ECT2L: variants seen among roughly 807,000 people sequenced by gnomAD.
ECT2L encodes the protein epithelial cell transforming 2 like, also known as epithelial cell-transforming sequence 2 oncogene-like.
Under a neutral mutation model 122.8 loss-of-function variants are expected in ECT2L, and 126 were observed. The ratio of observed to expected loss-of-function variants is 1.03; its 90% CI spans 0.89 to 1.19. The LOEUF (loss-of-function observed/expected upper bound fraction) is 1.19, where lower values mean the gene tolerates loss of function less well. ECT2L is among the 50% of genes most tolerant of loss of function. The pLI is 0.00. For synonymous variants in ECT2L, 385 were observed against 381.8 expected (o/e 1.01, Z -0.10); for missense variants, 1,012 against 1,064.1 (o/e 0.95, Z 0.68).
Position 138,872,146 on chromosome 6 carries a change from A to G in ECT2L, c.1578+3940A>G, listed in dbSNP as rs564837053. Reference sequence around the variant, plus strand: ...TGAGCCACCACGCCTGGCCATCCCAAGAGGAGTCTAAATGCCTTTCCAGGG... The same window carrying G: ...TGAGCCACCACGCCTGGCCATCCCAGGAGGAGTCTAAATGCCTTTCCAGGG... On this transcript the variant is annotated intron_variant, in intron 13 of 21. Transcript: ENST00000541398. Among the ~76,000 whole-genome samples the G allele has an allele frequency of 3.9e-5, 6 of 152,204 alleles. No homozygotes were observed. The East Asian group carries it at 1.2e-3, about 29-fold the overall frequency.
chr6:138,862,504 C>A, intron 10 of ECT2L, 123 bp from the exon 11 acceptor site: 1 of 894,658 alleles, frequency 1.1e-6, no homozygotes, highest in Non-Finnish European at 1.8e-6. Flanking sequence ...CCTGCCAGGC[C>A]CCACCTCCAA....
At chr6:138,881,320 C>T in intron 15 of ECT2L, 149 bp downstream of exon 15, 1 of 784,430 alleles carries the variant, frequency 1.3e-6, no homozygotes, top group Non-Finnish European at 2.0e-6. Flanking sequence ...ATCACATTAC[C>T]TACCGGGCTG....
At chr6:138,871,546 C>T (rs1778252895) in intron 13 of ECT2L, among the ~76,000 whole-genome samples, 1 of 152,192 alleles carries the variant, frequency 6.6e-6, no homozygotes. Flanking sequence ...TGGCTCACGT[C>T]TGTAATCCCA....
rs542677868 is a variant in ECT2L at position 138,878,722 on chromosome 6, C to CA, written c.1665+2165dup. ...TCAGCCTCCCAAGGTGCTGGGATTA[C>CA]AGGCATGAGCCACCGCACGTGGCCA... On this transcript the variant is annotated intron_variant, in intron 14 of 21. Transcript: ENST00000541398. Among the ~76,000 whole-genome samples, 32 of 152,350 alleles carry CA rather than the reference C, an allele frequency of 2.1e-4. No individual in the cohort carries two copies. The South Asian group carries it at 6.4e-3, about 31-fold the overall frequency.
intron 4 of ECT2L, among the ~76,000 whole-genome samples, chr6:138,819,900 A>G (rs1776215787): frequency 6.6e-6 from 1 of 151,838 alleles, no homozygotes; most frequent in Non-Finnish European, 1.5e-5. Context: ...AAAAAAAAAC[A>G]AAAAACAAAA....
chr6:138,839,527 C>G (rs1373163715), intron 5 of ECT2L, among the ~76,000 whole-genome samples: 1 of 152,064 alleles, frequency 6.6e-6, no homozygotes, highest in Non-Finnish European at 1.5e-5. Context: ...CCACGTCCAG[C>G]TAATTTTTGT....
At chr6:138,876,662 T>C in intron 14 of ECT2L, 104 bp downstream of exon 14, 1 of 658,510 alleles carries the variant, frequency 1.5e-6, no homozygotes. Flanking sequence ...AATTTCCCTT[T>C]GGGGGATTAA....
At chr6:138,842,792 T>TA (rs1171633618) in intron 5 of ECT2L, among the ~76,000 whole-genome samples, 187 bp from the exon 6 acceptor site, 2 of 151,992 alleles carry the variant, frequency 1.3e-5, no homozygotes, top group African/African-American at 4.8e-5. Context: ...AAATAAAATA[T>TA]AAAAAAAATT....
At chr6:138,804,669 G>T (rs925320704) in intron 1 of ECT2L, among the ~76,000 whole-genome samples, 64 of 152,078 alleles carry the variant, frequency 4.2e-4, no homozygotes, top group African/African-American at 1.5e-3. Context: ...AGTTGAGGGA[G>T]TTAATCTCTT....
intron 8 of ECT2L, among the ~76,000 whole-genome samples, chr6:138,848,214 A>G (rs997162221): frequency 1.3e-5 from 2 of 152,210 alleles, no homozygotes; most frequent in East Asian, 3.9e-4. Flanking sequence ...AAGCCAAACC[A>G]TATCAGTGTG....
At chr6:138,885,897 AAGATCCTG>A in intron 18 of ECT2L, 67 bp downstream of exon 18, 2 of 1,492,648 alleles carry the variant, frequency 1.3e-6, no homozygotes, top group South Asian at 2.5e-5. Flanking sequence ...CTCCCACTCA[AAGATCCTG>A]AGACACCTTA....
rs186953642 is a variant in ECT2L, at chr6:138,895,477, C to T, written c.2415-5471C>T. Among the ~76,000 whole-genome samples the T allele has an allele frequency of 3.3e-5, 5 of 152,256 alleles. No individual in the cohort carries two copies. In the East Asian group the frequency reaches 5.8e-4, roughly 18 times the overall value. On this transcript the variant is annotated intron_variant, in intron 20 of 21. Transcript: ENST00000541398. ...AGGTCTCCCAGTGCACAGGCAGTGC[C>T]GTTTCCAGTGATTGGACCAGAAGGT...
intron 4 of ECT2L, 53 bp downstream of exon 4, chr6:138,814,656 A>G (rs1024413328): frequency 1.8e-6 from 2 of 1,082,236 alleles, no homozygotes; most frequent in African/African-American, 3.2e-5. Context: ...AAAACCGTAT[A>G]TAAATGTTTA....
intron 1 of ECT2L, among the ~76,000 whole-genome samples, chr6:138,799,650 C>T (rs79981479): frequency 0.19 from 28,689 of 152,092 alleles, 3,192 homozygotes; most frequent in Middle Eastern, 0.33. Context: ...ACCTCCGCCT[C>T]CTGGGCTCAA....
intron 1 of ECT2L, among the ~76,000 whole-genome samples, chr6:138,807,532 T>TCTC (rs1332434411): frequency 6.6e-6 from 1 of 152,064 alleles, no homozygotes; most frequent in Non-Finnish European, 1.5e-5. Context: ...CACTACACCG[T>TCTC]CTCCTCCACA....
chr6:138,858,579 C>G (rs994752823), intron 10 of ECT2L, among the ~76,000 whole-genome samples: 5 of 152,042 alleles, frequency 3.3e-5, no homozygotes, highest in African/African-American at 9.7e-5. Flanking sequence ...ATTCACTACC[C>G]CCAAAAGTTT....
At chr6:138,889,339 T>C (rs1472688433) in intron 20 of ECT2L, among the ~76,000 whole-genome samples, 2 of 152,114 alleles carry the variant, frequency 1.3e-5, no homozygotes, top group Admixed American at 6.5e-5. Flanking sequence ...TTCTTTTTTT[T>C]TTTGAGATGG....
At chr6:138,895,674 G>T (rs367936818) in intron 20 of ECT2L, among the ~76,000 whole-genome samples, 1 of 152,092 alleles carries the variant, frequency 6.6e-6, no homozygotes, top group Admixed American at 6.6e-5. Context: ...GGGTTCAAGC[G>T]ATTCTCATGC....
intron 4 of ECT2L, among the ~76,000 whole-genome samples, chr6:138,824,567 A>AAC (rs1273684345): frequency 1.6e-4 from 20 of 126,722 alleles, no homozygotes; most frequent in African/African-American, 3.6e-4. Context: ...ATAAAAAAAA[A>AAC]CAAAAAACAA....
Sources: allele counts gnomAD v4.1 joint callset (sites outside exome capture counted in the v4.1 genomes callset), GRCh38; gene constraint gnomAD v4.1.1; transcripts MANE v1.5; gene names NCBI Gene and HGNC (gene_info 2026-07-23, HGNC 2026-07-21).